SUMF1: variants seen among roughly 807,000 people sequenced by gnomAD.
The protein encoded by SUMF1 is formylglycine-generating enzyme.
SUMF1 carries 48 observed loss-of-function variants against 47.6 expected under a neutral mutation model. That is an observed-to-expected ratio of 1.01 (90% CI 0.80 to 1.28). The LOEUF (loss-of-function observed/expected upper bound fraction) is 1.28. SUMF1 is among the 50% of genes most tolerant of loss of function. SUMF1 has a pLI of 0.00. For synonymous variants in SUMF1, 230 were observed against 192.1 expected (o/e 1.20, Z -1.63); for missense variants, 571 against 485.4 (o/e 1.18, Z -1.66).
At chr3:4,081,608 C>G (rs1692561311) in intron 8 of SUMF1, among the ~76,000 whole-genome samples, 1 of 152,164 alleles carries the variant, frequency 6.6e-6, no homozygotes, top group African/African-American at 2.4e-5. Context: ...ACTTCTGCCA[C>G]TTCCTAATTA....
chr3:4,453,997 T>C (rs747511948), intron 1 of SUMF1, among the ~76,000 whole-genome samples: 2 of 152,216 alleles, frequency 1.3e-5, no homozygotes, highest in Non-Finnish European at 2.9e-5. Flanking sequence ...TATTCGCATA[T>C]GCTTTTGTTT....
At chr3:4,067,122 G>C (rs1398577679) in intron 9 of SUMF1, among the ~76,000 whole-genome samples, 2 of 152,152 alleles carry the variant, frequency 1.3e-5, no homozygotes, top group Non-Finnish European at 2.9e-5. Context: ...GCCAGAGGCA[G>C]CTTCAGCTTC....
chr3:4,293,651 T>G (rs752363329), intron 8 of SUMF1, among the ~76,000 whole-genome samples: 5 of 152,178 alleles, frequency 3.3e-5, no homozygotes, highest in Non-Finnish European at 4.4e-5. Flanking sequence ...AGCAGAAATT[T>G]CAGTAGCCTA....
At chr3:4,155,521 C>T (rs1340957945) in intron 8 of SUMF1, among the ~76,000 whole-genome samples, 5 of 151,364 alleles carry the variant, frequency 3.3e-5, no homozygotes. Context: ...CAGTAAGTTA[C>T]AGAAAAACCA....
At chr3:4,133,541 C>A (rs558755527) in intron 8 of SUMF1, among the ~76,000 whole-genome samples, 1 of 152,102 alleles carries the variant, frequency 6.6e-6, no homozygotes, top group Admixed American at 6.6e-5. Context: ...AAAAGGCAGA[C>A]CCACCCTTAA....
At position 4,071,147 on chromosome 3, in the gene SUMF1, T is replaced by A. The variant is rs753972768; in HGVS notation, c.1015-2402A>T. 8.7e-4 allele frequency among the ~76,000 whole-genome samples: 133 copies of A among 152,218 alleles called. 1 individual carries two copies. Among genetic ancestry groups the A allele is most frequent in the Non-Finnish European group, 1.3e-3 (90 of 68,008 alleles). ...TTCTACATACAAGCTTAAAACTACATACTTGCATTTAAAACTGGCATTAGG... is the reference window on the plus strand; with the variant it reads ...TTCTACATACAAGCTTAAAACTACAAACTTGCATTTAAAACTGGCATTAGG... On this transcript the variant is annotated intron_variant and NMD_transcript_variant, in intron 8 of 12. Transcript: ENST00000448413.
intron 8 of SUMF1, among the ~76,000 whole-genome samples, chr3:4,335,058 A>G (rs73121623): frequency 0.04 from 6,023 of 152,230 alleles, 385 homozygotes; most frequent in African/African-American, 0.13. Context: ...TAGAGGTAAA[A>G]TTTGTCTTTC....
chr3:4,367,884 T>A (rs1300279752), intron 8 of SUMF1, among the ~76,000 whole-genome samples: 2 of 151,780 alleles, frequency 1.3e-5, no homozygotes, highest in Non-Finnish European at 2.9e-5. Context: ...ATAAAAACTC[T>A]AGAAGAAAAC....
intron 8 of SUMF1, among the ~76,000 whole-genome samples, chr3:4,310,593 C>G (rs1161309138): frequency 1.3e-5 from 2 of 152,148 alleles, no homozygotes; most frequent in Non-Finnish European, 2.9e-5. Flanking sequence ...TAGCTACTGT[C>G]TATAAGTCCC....
intron 8 of SUMF1, among the ~76,000 whole-genome samples, chr3:4,170,127 T>A (rs1694800115): frequency 6.6e-6 from 1 of 152,202 alleles, no homozygotes; most frequent in Non-Finnish European, 1.5e-5. Context: ...CTCATTTATT[T>A]ATATATTGTC....
At chr3:4,117,246 A>G (rs1406523369) in intron 8 of SUMF1, among the ~76,000 whole-genome samples, 1 of 152,122 alleles carries the variant, frequency 6.6e-6, no homozygotes, top group East Asian at 1.9e-4. Context: ...TTACTTTATA[A>G]GTAAAGCCTC....
At chr3:4,215,165 C>A (rs1695892674) in intron 8 of SUMF1, among the ~76,000 whole-genome samples, 1 of 152,104 alleles carries the variant, frequency 6.6e-6, no homozygotes, top group South Asian at 2.1e-4. Context: ...ACTGGCAAAC[C>A]AAATCCAGCA....
At chr3:4,212,007 G>C (rs1378391974) in intron 8 of SUMF1, among the ~76,000 whole-genome samples, 1 of 152,222 alleles carries the variant, frequency 6.6e-6, no homozygotes, top group Non-Finnish European at 1.5e-5. Flanking sequence ...CACAGCTTCA[G>C]CAGATGTAAA....
In SUMF1 at chr3:4,467,171, G is replaced by GAGC; in HGVS notation, c.72_74dup (p.Leu25dup). The GAGC allele has an allele frequency of 1.9e-6, 3 of 1,607,702 alleles. No individual in the cohort carries two copies. Among genetic ancestry groups the GAGC allele is most frequent in the Non-Finnish European group, 2.5e-6 (3 of 1,177,858 alleles). ...TCCCTGCCGCTCCACACAGCAGCGA[G>GAGC]AGCAGCAGCAGCAAGAGGACGAGAC... On this transcript the variant is annotated inframe_insertion, in exon 1 of 9. Coordinates refer to ENST00000272902, the MANE Select transcript of SUMF1 (RefSeq NM_182760.4).
intron 8 of SUMF1, among the ~76,000 whole-genome samples, chr3:4,238,966 G>C (rs756968410): frequency 6.6e-6 from 1 of 152,098 alleles, no homozygotes; most frequent in African/African-American, 2.4e-5. Flanking sequence ...GTGTAAGGAA[G>C]GGATCCAGTT....
chr3:4,122,666 G>A (rs1429375130), intron 8 of SUMF1, among the ~76,000 whole-genome samples: 1 of 152,152 alleles, frequency 6.6e-6, no homozygotes, highest in South Asian at 2.1e-4. Context: ...GGCAGACATG[G>A]GATCAAGATC....
At chr3:4,051,845 T>G (rs1337425855) in intron 9 of SUMF1, among the ~76,000 whole-genome samples, 1 of 152,176 alleles carries the variant, frequency 6.6e-6, no homozygotes, top group African/African-American at 2.4e-5. Flanking sequence ...TTTTCTTCCT[T>G]CTTTTCTACC....
At chr3:4,387,421 C>A (rs1359785571) in intron 7 of SUMF1, among the ~76,000 whole-genome samples, 1 of 151,884 alleles carries the variant, frequency 6.6e-6, no homozygotes, top group Non-Finnish European at 1.5e-5. Flanking sequence ...CTTTTGATGT[C>A]TACAGAGTTT....
At chr3:4,394,960 G>T (rs1340888854) in intron 7 of SUMF1, among the ~76,000 whole-genome samples, 1 of 152,112 alleles carries the variant, frequency 6.6e-6, no homozygotes, top group African/African-American at 2.4e-5. Flanking sequence ...GGAACTCTTT[G>T]TTTTCAAATA....
Sources: allele counts gnomAD v4.1 joint callset (sites outside exome capture counted in the v4.1 genomes callset), GRCh38; gene constraint gnomAD v4.1.1; transcripts MANE v1.5; gene names NCBI Gene and HGNC (gene_info 2026-07-23, HGNC 2026-07-21).